The following MTCL1 variants were observed in gnomAD, a reference collection of about 807,000 sequenced individuals.
MTCL1 encodes the protein microtubule cross-linking factor 1.
A neutral mutation model predicts 141.4 loss-of-function variants in MTCL1; 79 were observed. The ratio of observed to expected loss-of-function variants is 0.56; its 90% confidence interval spans 0.47 to 0.67. The LOEUF is 0.67. Among genes scored for constraint, MTCL1 ranks in the 30% least tolerant of loss-of-function variants. The pLI is 0.00. For synonymous variants in MTCL1, 914 were observed against 875.8 expected (o/e 1.04, Z -0.77); for missense variants, 2,177 against 2,113.9 (o/e 1.03, Z -0.59).
At chr18:8,732,102 T>G (rs923692373) in intron 4 of MTCL1, among the ~76,000 whole-genome samples, 4 of 152,162 alleles carry the variant, frequency 2.6e-5, no homozygotes, top group Non-Finnish European at 4.4e-5. Context: ...CTTTATTCTT[T>G]TAATCTTCAT....
chr18:8,772,349 A>G (rs1289333796), intron 4 of MTCL1, among the ~76,000 whole-genome samples: 3 of 152,232 alleles, frequency 2.0e-5, no homozygotes, highest in African/African-American at 2.4e-5. Context: ...TGTCATTGCA[A>G]TCCCACATAG....
At chr18:8,799,538 A>C (rs919520724) in intron 10 of MTCL1, among the ~76,000 whole-genome samples, 12 of 152,266 alleles carry the variant, frequency 7.9e-5, no homozygotes, top group African/African-American at 2.4e-4. Context: ...TGAGTTTTCC[A>C]GCAATAATCT....
chr18:8,774,296 G>T (rs2096496634), intron 4 of MTCL1, among the ~76,000 whole-genome samples: 2 of 143,306 alleles, frequency 1.4e-5, no homozygotes, highest in Admixed American at 1.4e-4. Context: ...AAGGAATTTG[G>T]TTAAAATGAC....
At chr18:8,813,370 A>G in intron 12 of MTCL1, 137 bp downstream of exon 11, 1 of 1,072,980 alleles carries the variant, frequency 9.3e-7, no homozygotes, top group Non-Finnish European at 1.3e-6. Context: ...AAGAGAGAGA[A>G]ATTCTAGAAT....
chr18:8,750,278 T>C (rs573180940), intron 4 of MTCL1, among the ~76,000 whole-genome samples: 1 of 152,312 alleles, frequency 6.6e-6, no homozygotes, highest in Admixed American at 6.5e-5. Flanking sequence ...ACTCCTGACC[T>C]CAAGTGATCT....
intron 4 of MTCL1, among the ~76,000 whole-genome samples, chr18:8,749,020 CTCTACTT>C (rs766981378): frequency 8.5e-5 from 13 of 152,196 alleles, no homozygotes; most frequent in Non-Finnish European, 1.8e-4. Flanking sequence ...CACACATCAT[CTCTACTT>C]TTAGTTCTGT....
At chr18:8,773,997 T>C (rs1268032641) in intron 4 of MTCL1, among the ~76,000 whole-genome samples, 2 of 152,228 alleles carry the variant, frequency 1.3e-5, no homozygotes, top group Admixed American at 6.5e-5. Context: ...TTTTTCTAAA[T>C]TGAGGTCAGC....
exon 15 of MTCL1, chr18:8,825,332 G>C: frequency 6.5e-7 from 1 of 1,539,816 alleles, no homozygotes; most frequent in South Asian, 1.3e-5. Context: ...TGCACAGCCT[G>C]GAGATGTCCA....
At chr18:8,726,735 C>G (rs2096217991) in intron 4 of MTCL1, among the ~76,000 whole-genome samples, 1 of 152,074 alleles carries the variant, frequency 6.6e-6, no homozygotes, top group Admixed American at 6.5e-5. Flanking sequence ...GGAGGCTTCT[C>G]CAGTAAATCC....
intron 4 of MTCL1, among the ~76,000 whole-genome samples, chr18:8,769,222 G>A (rs768975685): frequency 2.0e-5 from 3 of 152,276 alleles, no homozygotes; most frequent in South Asian, 2.1e-4. Flanking sequence ...TCAAATGTAG[G>A]ATTCTGATTC....
At chr18:8,813,276 T>C (rs1293623087) in intron 12 of MTCL1, 43 bp downstream of exon 11, 1 of 1,581,772 alleles carries the variant, frequency 6.3e-7, no homozygotes, top group Non-Finnish European at 8.6e-7. Context: ...GCACAGAGTG[T>C]AGACTGCTCA....
At chr18:8,715,684 G>A (rs750418443), upstream of MTCL1, among the ~76,000 whole-genome samples, 10 of 152,188 alleles carry the variant, frequency 6.6e-5, no homozygotes, top group Admixed American at 1.3e-4. Context: ...CAAACTTGAC[G>A]TTGATTTTTG....
intron 1 of MTCL1, 135 bp downstream of exon 1, chr18:8,706,848 T>C (rs2096060757): frequency 3.6e-6 from 5 of 1,381,084 alleles, no homozygotes; most frequent in Non-Finnish European, 4.7e-6. Context: ...TACCCCCGCA[T>C]TGTCAGGCAT....
At chr18:8,786,029 C>G (rs201167430) in exon 7 of MTCL1, 2 of 1,607,004 alleles carry the variant, frequency 1.2e-6, no homozygotes, top group Non-Finnish European at 1.7e-6. Context: ...GGAGCTGCAC[C>G]GCCGCGCAGA....
At chr18:8,775,121 CA>C (rs2096501072) in intron 4 of MTCL1, among the ~76,000 whole-genome samples, 1 of 152,150 alleles carries the variant, frequency 6.6e-6, no homozygotes, top group African/African-American at 2.4e-5. Context: ...TCAGTGCGTA[CA>C]TTGGGAGAAT....
At chr18:8,809,866 C>G (rs1433876853) in intron 11 of MTCL1, 3 of 401,064 alleles carry the variant, frequency 7.5e-6, no homozygotes, top group Non-Finnish European at 1.4e-5. Context: ...ATGTATATAC[C>G]TGGGTGTGAA....
Position 8,786,110 on chromosome 18 carries a change from T to TCCCAC in MTCL1, c.1887+22_1887+23insACCCC. 7.6e-7 allele frequency: 1 copy of TCCCAC among 1,310,348 alleles called. No individual in the cohort carries two copies. The allele number at this position is 1,310,348 out of a possible 1,614,324, so 81.2% of individuals were successfully genotyped here. On this transcript the variant is annotated intron_variant, in intron 7 of 16. Transcript: ENST00000359865. Reference sequence around the variant, plus strand: ...CCTGGAGGTCAGCGTGGGCAAGCAATCCCCCCCCCCCGCCCTCCCCCTCCT... The same window carrying TCCCAC: ...CCTGGAGGTCAGCGTGGGCAAGCAATCCCACCCCCCCCCCCCGCCCTCCCCCTCCT...
chr18:8,806,562 AG>A (rs917320673), intron 10 of MTCL1, among the ~76,000 whole-genome samples: 1 of 152,034 alleles, frequency 6.6e-6, no homozygotes, highest in African/African-American at 2.4e-5. Flanking sequence ...CCTGCTCCTC[AG>A]GGCCCACAGC....
At chr18:8,797,629 A>G (rs990956553) in intron 9 of MTCL1, among the ~76,000 whole-genome samples, 2 of 152,232 alleles carry the variant, frequency 1.3e-5, no homozygotes, top group African/African-American at 2.4e-5. Flanking sequence ...CAGTGTATGT[A>G]ATTTTAAGTT....
Sources: allele counts gnomAD v4.1 joint callset (sites outside exome capture counted in the v4.1 genomes callset), GRCh38; gene constraint gnomAD v4.1.1; transcripts MANE v1.5; gene names NCBI Gene and HGNC (gene_info 2026-07-23, HGNC 2026-07-21).